Variants in C2CD2 observed in about 807,000 individuals in gnomAD.
The protein encoded by C2CD2 is C2 domain-containing protein 2.
A neutral mutation model predicts 74.3 loss-of-function variants in C2CD2; 43 were observed. The observed-to-expected ratio is 0.58, with a 90% confidence interval of 0.45 to 0.75. The LOEUF (loss-of-function observed/expected upper bound fraction) is 0.75. C2CD2 is among the 30% of genes least tolerant of loss of function. The pLI is 0.00. For missense variants in C2CD2, 801 were observed against 916.3 expected (o/e 0.87, Z 1.63); for synonymous variants, 422 against 390.7 (o/e 1.08, Z -0.94).
chr21:41,913,330 A>G (rs141026124), intron 6 of C2CD2, among the ~76,000 whole-genome samples: 2 of 152,366 alleles, frequency 1.3e-5, no homozygotes, highest in African/African-American at 4.8e-5. Context: ...CTGTGGAATC[A>G]GTAATTGCTG....
Position 41,889,305 on chromosome 21 carries a change from C to T in C2CD2, c.1910G>A (p.Arg637Gln), listed in dbSNP as rs543203534. 59 of 1,614,040 alleles carry T rather than the reference C, an allele frequency of 3.7e-5. 2 individuals carry two copies. In the South Asian group the frequency reaches 5.3e-4, roughly 14 times the overall value. Residue 637 changes from arginine to glutamine, a missense_variant, in exon 14 of 14, where the codon CGG (arginine) becomes CAG (glutamine). Arg to Gln is a conservative substitution (Grantham distance 43, BLOSUM62 1). Transcript: ENST00000380486. ...LRKGAKLFFR[R>Q]RHQQKDPGMS... ...GCCTGGGTCTTTCTGTTGATGCCGC[C>T]GGCGGAAGAACAGCTTTGCACCTTT... is the stretch of plus-strand genomic sequence containing the variant.
rs1317253991 is a variant in C2CD2 at position 41,918,199 on chromosome 21, G to A, written c.626C>T (p.Ser209Phe). The stretch of plus-strand genomic sequence containing the variant: ...CTTCAAGATGTCCTTGAGAACGTCA[G>A]ACATCGCACTTGTCTCAGCCACCTG... ...EDQVAETSAMSDVLKDILKHL... is the reference protein window; with the variant it reads ...EDQVAETSAMFDVLKDILKHL... Residue 209 changes from serine (S) to phenylalanine (F), a missense_variant, in exon 5 of 14, where the codon TCT (serine) becomes TTT (phenylalanine). Ser to Phe is a radical substitution (Grantham distance 155). Coordinates refer to ENST00000380486, the MANE Select transcript of C2CD2 (RefSeq NM_015500.2). 5.6e-6 allele frequency: 9 copies of A among 1,614,144 alleles called. No individual in the cohort carries two copies. Among genetic ancestry groups the A allele is most frequent in the Non-Finnish European group, 7.6e-6 (9 of 1,180,012 alleles).
chr21:41,927,084 A>G (rs1366090420), intron 2 of C2CD2, among the ~76,000 whole-genome samples: 1 of 152,212 alleles, frequency 6.6e-6, no homozygotes, highest in South Asian at 2.1e-4. Context: ...AGTAAACTCC[A>G]TTAGAGCTAA....
At chr21:41,947,597 T>C (rs1201940437) in intron 1 of C2CD2, among the ~76,000 whole-genome samples, 1 of 152,234 alleles carries the variant, frequency 6.6e-6, no homozygotes, top group Non-Finnish European at 1.5e-5. Context: ...AGTTGAATTA[T>C]TTTTTCAACT....
chr21:41,906,555 G>T (rs2064964365), intron 10 of C2CD2, among the ~76,000 whole-genome samples: 1 of 152,214 alleles, frequency 6.6e-6, no homozygotes, highest in East Asian at 1.9e-4. Flanking sequence ...AGTAGAGATG[G>T]GGTTTCACCA....
intron 2 of C2CD2, among the ~76,000 whole-genome samples, chr21:41,925,640 T>G (rs1326393003): frequency 6.6e-6 from 1 of 152,242 alleles, no homozygotes; most frequent in Admixed American, 6.5e-5. Context: ...GAGGAGATTT[T>G]AAAAACAAGT....
chr21:41,948,020 A>G (rs2065416702), intron 1 of C2CD2, among the ~76,000 whole-genome samples: 1 of 152,200 alleles, frequency 6.6e-6, no homozygotes, highest in East Asian at 1.9e-4. Flanking sequence ...TTGTTGGGAG[A>G]ATGGGTTAGT....
rs184311408 is a variant in C2CD2, at chr21:41,924,220, G to T, written c.379-2135C>A. Among the ~76,000 whole-genome samples the T allele has an allele frequency of 5.2e-4, 79 of 152,284 alleles. 1 individual carries two copies. Among genetic ancestry groups the T allele is most frequent in the African/African-American group, 1.7e-3 (69 of 41,554 alleles). On this transcript the variant is annotated intron_variant, in intron 2 of 13. Transcript: ENST00000380486. This position sits in a 1 kb window ranked among gnomAD's most constrained non-coding sequence, Gnocchi z 4.4. ...GACATTCCCCTGTACTTTCTCATCT[G>T]CTGGCTCCTGGCCGCAGCCAAGCCC...
chr21:41,893,183 A>T (rs1216553791), intron 13 of C2CD2, among the ~76,000 whole-genome samples: 1 of 152,196 alleles, frequency 6.6e-6, no homozygotes, highest in South Asian at 2.1e-4. Flanking sequence ...TTTAAAAGAA[A>T]TAAAATGGGA....
At position 41,914,628 on chromosome 21, in the gene C2CD2, C is replaced by T. The variant is rs201481509; in HGVS notation, c.814G>A (p.Val272Ile). The stretch of plus-strand genomic sequence containing the variant: ...GCACCGGGCTCGCTGAGCAGCAAGA[C>T]GTGGATGTTCCTCACCAGTAGCTTC... ...ELKLLVRNIHVLLLSEPGASG... is the reference protein window; with the variant it reads ...ELKLLVRNIHILLLSEPGASG... Residue 272 changes from valine to isoleucine, a missense_variant, in exon 6 of 14, where the codon GTC becomes ATC. Physicochemically the swap from Val to Ile is conservative, Grantham distance 29. Coordinates refer to ENST00000380486, the MANE Select transcript of C2CD2 (RefSeq NM_015500.2). 1.6e-4 allele frequency: 251 copies of T among 1,613,896 alleles called. 2 individuals carry two copies. In the East Asian group the frequency reaches 5.4e-3, roughly 35 times the overall value.
chr21:41,935,153 G>C (rs1487177815), intron 2 of C2CD2, among the ~76,000 whole-genome samples: 1 of 152,214 alleles, frequency 6.6e-6, no homozygotes, highest in Non-Finnish European at 1.5e-5. Flanking sequence ...GCCTTCCAAA[G>C]TGCTGGGATT....
intron 3 of C2CD2, among the ~76,000 whole-genome samples, chr21:41,920,223 C>G (rs2065140818): frequency 6.6e-6 from 1 of 152,250 alleles, no homozygotes; most frequent in Non-Finnish European, 1.5e-5. Context: ...GGCCGGACAC[C>G]TGGCCTCCTT....
chr21:41,888,091 T>C lies in C2CD2; in HGVS notation c.*1033A>G, dbSNP rs1206646963. The C allele has an allele frequency of 6.6e-6, 1 of 152,650 alleles. No homozygotes were observed. The highest frequency in any genetic ancestry group is 1.9e-4 in the East Asian group (1 of 5,206). 9.5% of individuals were successfully genotyped at this position (152,650 alleles called of 1,614,324 possible). A position where few individuals can be genotyped will look rare whatever the true frequency, so the allele number is the denominator to read the frequency against. ...TCACAGCAAAATTCTGAAGCGCTCA[T>C]AGAAGGAATGTCCTGCGAGTTTGGC... is the stretch of plus-strand genomic sequence containing the variant. On this transcript the variant is annotated 3_prime_UTR_variant, in exon 14 of 14. Coordinates refer to ENST00000380486, the MANE Select transcript of C2CD2 (RefSeq NM_015500.2).
At chr21:41,932,410 C>G (rs2065270556) in intron 2 of C2CD2, among the ~76,000 whole-genome samples, 1 of 140,362 alleles carries the variant, frequency 7.1e-6, no homozygotes, top group Admixed American at 7.2e-5. Flanking sequence ...AATATGTGAA[C>G]CTCAGTGGGG....
chr21:41,906,354 G>A (rs1253543567), intron 10 of C2CD2, among the ~76,000 whole-genome samples: 1 of 152,104 alleles, frequency 6.6e-6, no homozygotes, highest in African/African-American at 2.4e-5. Flanking sequence ...AATAGAGTTC[G>A]TGTTTTGTTT....
chr21:41,948,870 C>CTTTTT (rs967927171), intron 1 of C2CD2, among the ~76,000 whole-genome samples: 6,730 of 80,522 alleles, frequency 0.084, 2,210 homozygotes, highest in Non-Finnish European at 0.12. Flanking sequence ...CACACAGCAT[C>CTTTTT]TTTTTTTTTT....
At chr21:41,901,448 A>G in intron 12 of C2CD2, 174 bp downstream of exon 12, 1 of 713,822 alleles carries the variant, frequency 1.4e-6, no homozygotes, top group Non-Finnish European at 2.5e-6. Flanking sequence ...TAAACTGTGT[A>G]AACACAACAC....
At chr21:41,930,633 C>A (rs144225674) in intron 2 of C2CD2, among the ~76,000 whole-genome samples, 1 of 148,804 alleles carries the variant, frequency 6.7e-6, no homozygotes, top group African/African-American at 2.4e-5. Context: ...ACCCGGCAGG[C>A]GGAGGTTGCA....
In C2CD2 at chr21:41,953,471, AC is replaced by A; in HGVS notation, c.177del (p.Ser60ProfsTer9). On this transcript the variant is annotated frameshift_variant, in exon 1 of 14. Transcript: ENST00000380486. LOFTEE classifies it high-confidence loss of function. Reference sequence around the variant, plus strand: ...AGGATCCAGGAGAGCAGCGCGTCGGACCCCGGGCGCGGCCCCTCTCCAGGCT... The same window carrying A: ...AGGATCCAGGAGAGCAGCGCGTCGGACCCGGGCGCGGCCCCTCTCCAGGCT... Reference protein sequence around the residue: ...AVEPGEGPRPGSDALLSWILT... With the variant: ...AVEPGEGPRPXSDALLSWILT... 2 of 1,479,828 alleles carry A rather than the reference AC, an allele frequency of 1.4e-6. No homozygotes were observed. 91.7% of individuals were successfully genotyped at this position (1,479,828 alleles called of 1,614,324 possible). A position where few individuals can be genotyped will look rare whatever the true frequency, so the allele number is the denominator to read the frequency against.
Sources: gnomAD v4.1 joint callset for allele counts (sites outside exome capture counted in the v4.1 genomes callset) on GRCh38, gnomAD v4.1.1 for gene constraint, Gnocchi (gnomAD v3.1) non-coding constraint, MANE v1.5 for transcripts, NCBI Gene and HGNC (gene_info 2026-07-23, HGNC 2026-07-21) for gene names.